The following PCDH15 variants were observed in gnomAD, a reference collection of about 807,000 sequenced individuals.
The protein encoded by PCDH15 is protocadherin related 15.
Under a neutral mutation model 178.5 loss-of-function variants are expected in PCDH15, and 129 were observed. That is an observed-to-expected ratio of 0.72 (90% CI 0.63 to 0.84). The LOEUF is 0.84. Among genes scored for constraint, PCDH15 ranks in the 40% least tolerant of loss-of-function variants. The pLI, the probability that PCDH15 is intolerant of heterozygous loss-of-function variation, is 0.00. For synonymous variants in PCDH15, 800 were observed against 732.0 expected (o/e 1.09, Z -1.50); for missense variants, 2,230 against 2,099.9 (o/e 1.06, Z -1.21).
intron 25 of PCDH15, among the ~76,000 whole-genome samples, chr10:53,904,201 G>T (rs1430074470): frequency 6.6e-6 from 1 of 152,050 alleles, no homozygotes; most frequent in Non-Finnish European, 1.5e-5. Context: ...TATTCATTTT[G>T]TAAAAAAATA....
chr10:55,565,174 T>C (rs1298690739), intron 2 of PCDH15, among the ~76,000 whole-genome samples: 2 of 151,566 alleles, frequency 1.3e-5, no homozygotes, highest in East Asian at 3.9e-4. Flanking sequence ...AAAATTAAGT[T>C]AGAAATTAGT....
chr10:54,542,498 A>G (rs989583899), intron 2 of PCDH15, among the ~76,000 whole-genome samples: 3 of 152,222 alleles, frequency 2.0e-5, no homozygotes, highest in Non-Finnish European at 2.9e-5. Flanking sequence ...GAGTTATGAA[A>G]GAAGATGATT....
At position 54,316,556 on chromosome 10, in the gene PCDH15, ACACACACACACACACACAC is replaced by A. The variant is rs1255986154; in HGVS notation, c.876+696_876+714del. ...CACACACACACACACACACACACAC[ACACACACACACACACACAC>A]AAATACACCTTTTAGGGGAGAAATT... On this transcript the variant is annotated intron_variant, in intron 8 of 37. Coordinates refer to ENST00000644397, the MANE Select transcript of PCDH15 (RefSeq NM_001384140.1). Among the ~76,000 whole-genome samples, 121 of 114,766 alleles carry A rather than the reference ACACACACACACACACACAC, an allele frequency of 1.1e-3. No homozygotes were observed. In the Middle Eastern group the frequency reaches 0.022, roughly 20 times the overall value. 75.3% of individuals were successfully genotyped at this position (114,766 alleles called of 152,430 possible).
chr10:55,168,803 T>C (rs1041151037), intron 1 of PCDH15, among the ~76,000 whole-genome samples: 3 of 152,206 alleles, frequency 2.0e-5, no homozygotes, highest in African/African-American at 7.2e-5. Context: ...TTTCATGTGA[T>C]TGTGCACGCA....
chr10:54,865,279 C>G (rs1953918424), intron 3 of PCDH15, among the ~76,000 whole-genome samples: 1 of 152,130 alleles, frequency 6.6e-6, no homozygotes, highest in African/African-American at 2.4e-5. Context: ...TTCTGGCTGT[C>G]ATCTTTCTCT....
In PCDH15 at chr10:53,982,086, C is replaced by T. The variant is rs1418221381; in HGVS notation, c.2868+13563G>A. 4.6e-5 allele frequency among the ~76,000 whole-genome samples: 7 copies of T among 152,104 alleles called. 1 individual carries two copies. The highest frequency in any genetic ancestry group is 1.4e-4 in the African/African-American group (6 of 41,420). ...ATGAAAAAATGCTCATCATCACTGG[C>T]CATCAGAGAAATGCAAATCAAAACC... On this transcript the variant is annotated intron_variant, in intron 21 of 37. Coordinates refer to ENST00000644397, the MANE Select transcript of PCDH15 (RefSeq NM_001384140.1).
chr10:55,174,289 G>A (rs763492445), intron 1 of PCDH15, among the ~76,000 whole-genome samples: 3 of 152,072 alleles, frequency 2.0e-5, no homozygotes, highest in Non-Finnish European at 4.4e-5. Context: ...ACTGAAACCC[G>A]ATCTTGAAGG....
intron 23 of PCDH15, among the ~76,000 whole-genome samples, chr10:53,949,326 C>T (rs939682973): frequency 3.9e-5 from 6 of 152,144 alleles, no homozygotes. Flanking sequence ...CATTGGACAA[C>T]AAATCTAAAT....
In PCDH15 at chr10:53,827,481, G is replaced by A. The variant is rs2076761111; in HGVS notation, c.4279C>T (p.Pro1427Ser). 1.2e-6 allele frequency: 2 copies of A among 1,614,080 alleles called. No homozygotes were observed. Among genetic ancestry groups the A allele is most frequent in the Admixed American group, 1.7e-5 (1 of 60,028 alleles). ...GGCGCTGCCACTGGTGCAGGAGCCG[G>A]CACTGCTGGTTTAGCCGCGGGTAAT... Reference protein sequence around the residue: ...AALPAAKPAVPAPAPVAAPPP... With the variant: ...AALPAAKPAVSAPAPVAAPPP... The change falls in exon 32 of 38, where the codon CCG becomes TCG. Residue 1427 changes from proline (P) to serine (S), a missense_variant. Physicochemically the swap from Pro to Ser is moderately conservative, Grantham distance 74 (BLOSUM62 -1). Coordinates refer to ENST00000644397, the MANE Select transcript of PCDH15 (RefSeq NM_001384140.1).
intron 2 of PCDH15, among the ~76,000 whole-genome samples, chr10:55,386,612 C>A (rs1381905290): frequency 6.6e-6 from 1 of 152,008 alleles, no homozygotes; most frequent in Non-Finnish European, 1.5e-5. Context: ...TCTCCATGGT[C>A]ATCGAAGGGC....
At chr10:55,336,124 GAAAAAA>G (rs748988261) in intron 2 of PCDH15, among the ~76,000 whole-genome samples, 4,197 of 59,128 alleles carry the variant, frequency 0.071, 165 homozygotes, top group African/African-American at 0.18. Flanking sequence ...CTTGGTATTT[GAAAAAA>G]AAAAAAAAAA....
rs981236369 is a variant in PCDH15 at position 54,201,715 on chromosome 10, T to A, written c.1099-5826A>T. ...TTAAGTGATTGTGACATCATTCTAA[T>A]TCCCATTCGATAGATATTTATGGAT... On this transcript the variant is annotated intron_variant, in intron 10 of 37. Coordinates refer to ENST00000644397, the MANE Select transcript of PCDH15 (RefSeq NM_001384140.1). Among the ~76,000 whole-genome samples, 27 of 148,440 alleles carry A rather than the reference T, an allele frequency of 1.8e-4. No individual in the cohort carries two copies. The South Asian group carries it at 5.8e-3, about 32-fold the overall frequency.
chr10:55,397,673 T>A (rs972928700), intron 2 of PCDH15, among the ~76,000 whole-genome samples: 1 of 151,736 alleles, frequency 6.6e-6, no homozygotes, highest in African/African-American at 2.4e-5. Context: ...ACCTCTCTCG[T>A]CTCCCGGGTT....
intron 23 of PCDH15, among the ~76,000 whole-genome samples, chr10:53,945,838 T>TACAC (rs1491445496): frequency 3.5e-4 from 1 of 2,844 alleles, no homozygotes; most frequent in African/African-American, 2.2e-3. Context: ...TATTTCATTG[T>TACAC]ATATATATAT....
chr10:53,846,312 A>G (rs900276975), intron 28 of PCDH15, among the ~76,000 whole-genome samples: 3 of 151,912 alleles, frequency 2.0e-5, no homozygotes, highest in Non-Finnish European at 4.4e-5. Context: ...TTTACTTTGA[A>G]TGCTCTCTAA....
At chr10:54,713,807 T>A (rs2095449791) in intron 1 of PCDH15, among the ~76,000 whole-genome samples, 1 of 152,116 alleles carries the variant, frequency 6.6e-6, no homozygotes, top group South Asian at 2.1e-4. Context: ...TCCCTAGACC[T>A]GAAAAGGCAA....
intron 29 of PCDH15, among the ~76,000 whole-genome samples, chr10:53,832,919 A>G (rs186539392): frequency 6.6e-6 from 1 of 151,970 alleles, no homozygotes; most frequent in East Asian, 1.9e-4. Flanking sequence ...ACATGTGGCA[A>G]TTAGAATGCT....
intron 2 of PCDH15, among the ~76,000 whole-genome samples, chr10:55,380,258 A>G (rs2132000207): frequency 6.6e-6 from 1 of 152,276 alleles, no homozygotes; most frequent in South Asian, 2.1e-4. Context: ...CAATGTCACT[A>G]AAAAGACATA....
At chr10:53,817,457 TA>T (rs2076099622) in intron 34 of PCDH15, among the ~76,000 whole-genome samples, 1 of 151,856 alleles carries the variant, frequency 6.6e-6, no homozygotes, top group African/African-American at 2.4e-5. Context: ...CTTGAACTGG[TA>T]AAAAGATCAA....
Sources: allele counts gnomAD v4.1 joint callset (sites outside exome capture counted in the v4.1 genomes callset), GRCh38; gene constraint gnomAD v4.1.1; transcripts MANE v1.5; gene names NCBI Gene and HGNC (gene_info 2026-07-23, HGNC 2026-07-21).